CDH13: variants seen among roughly 807,000 people sequenced by gnomAD.
CDH13 encodes the protein cadherin-13.
A neutral mutation model predicts 63.8 loss-of-function variants in CDH13; 24 were observed. The ratio of observed to expected loss-of-function variants is 0.38; its 90% CI spans 0.27 to 0.53. The LOEUF is 0.53. CDH13 is among the 20% of genes least tolerant of loss of function. The probability of loss-of-function intolerance (pLI) is 0.85; values close to 1 mark genes in which losing one functional copy is unlikely to be tolerated. For synonymous variants in CDH13, 503 were observed against 355.3 expected (o/e 1.42, Z -4.67); for missense variants, 1,049 against 903.1 (o/e 1.16, Z -2.07).
At chr16:83,187,846 T>C (rs1211320648) in intron 4 of CDH13, among the ~76,000 whole-genome samples, 2 of 152,048 alleles carry the variant, frequency 1.3e-5, no homozygotes, top group African/African-American at 4.8e-5. Context: ...GGTCAATGGC[T>C]AGAGATGAGA....
At chr16:83,091,357 G>A (rs2033898947) in intron 3 of CDH13, among the ~76,000 whole-genome samples, 3 of 152,214 alleles carry the variant, frequency 2.0e-5, no homozygotes, top group Admixed American at 1.3e-4. Context: ...GTAGTAGGAG[G>A]CATATTTTTC....
chr16:83,373,966 C>T (rs1479365880), intron 6 of CDH13, among the ~76,000 whole-genome samples: 1 of 152,176 alleles, frequency 6.6e-6, no homozygotes, highest in African/African-American at 2.4e-5. Flanking sequence ...TCAACCACCA[C>T]CTTCTGATCT....
chr16:83,058,516 T>A (rs12444052), intron 3 of CDH13, among the ~76,000 whole-genome samples: 17,512 of 152,190 alleles, frequency 0.12, 1,304 homozygotes, highest in Non-Finnish European at 0.16. Context: ...TAACAAATGC[T>A]CTTGTCCAAA....
At chr16:82,717,615 G>A (rs750893921) in intron 1 of CDH13, among the ~76,000 whole-genome samples, 23 of 152,104 alleles carry the variant, frequency 1.5e-4, no homozygotes, top group Non-Finnish European at 2.9e-4. Context: ...CATCAGTCTA[G>A]TCCCTGGCTC....
At chr16:83,646,399 C>A (rs1911797918) in intron 8 of CDH13, among the ~76,000 whole-genome samples, 1 of 152,130 alleles carries the variant, frequency 6.6e-6, no homozygotes, top group Non-Finnish European at 1.5e-5. Flanking sequence ...GCTCAACTTT[C>A]TTTAGAAAAT....
intron 2 of CDH13, among the ~76,000 whole-genome samples, chr16:83,031,200 CGCATGTATACACCATATACAT>C (rs1293814780): frequency 6.8e-6 from 1 of 146,994 alleles, no homozygotes; most frequent in African/African-American, 2.5e-5. Flanking sequence ...CATATACATG[CGCATGTATACACCATATACAT>C]GCGCATGTAT....
At chr16:83,217,000 G>A (rs1031186067) in intron 4 of CDH13, among the ~76,000 whole-genome samples, 1 of 151,930 alleles carries the variant, frequency 6.6e-6, no homozygotes, top group African/African-American at 2.4e-5. Flanking sequence ...TGTTTTGTTT[G>A]CAGATAAATA....
chr16:82,904,227 T>G (rs553140737), intron 2 of CDH13, among the ~76,000 whole-genome samples: 2 of 152,232 alleles, frequency 1.3e-5, no homozygotes, highest in East Asian at 3.9e-4. Context: ...TACAAACTTT[T>G]GTCAATCATG....
intron 2 of CDH13, among the ~76,000 whole-genome samples, chr16:82,890,585 C>A (rs937273074): frequency 6.6e-6 from 1 of 151,322 alleles, no homozygotes; most frequent in Non-Finnish European, 1.5e-5. Flanking sequence ...GGTCTTCTTA[C>A]ATTTGTAACA....
At chr16:83,020,644 C>G (rs113026868) in intron 2 of CDH13, among the ~76,000 whole-genome samples, 4,319 of 152,294 alleles carry the variant, frequency 0.028, 96 homozygotes, top group Non-Finnish European at 0.043. Flanking sequence ...TTTCTTTTCT[C>G]TGAACTATGG....
At chr16:82,719,451 A>C (rs1417035611) in intron 1 of CDH13, 1 of 455,770 alleles carries the variant, frequency 2.2e-6, no homozygotes, top group African/African-American at 2.0e-5. Flanking sequence ...TCCCACTTGC[A>C]GAAGGAAGGA....
chr16:83,091,797 G>A (rs2033926049), intron 3 of CDH13, among the ~76,000 whole-genome samples: 1 of 152,182 alleles, frequency 6.6e-6, no homozygotes, highest in African/African-American at 2.4e-5. Context: ...CTGGCACATG[G>A]TGGGTGTATA....
At position 82,986,686 on chromosome 16, in the gene CDH13, C is replaced by G. The variant is rs1910981613; in HGVS notation, c.158-45324C>G. Among the ~76,000 whole-genome samples, 3 of 152,184 alleles carry G rather than the reference C, an allele frequency of 2.0e-5. No individual in the cohort carries two copies. The South Asian group carries it at 6.2e-4, about 31-fold the overall frequency. Reference sequence around the variant, plus strand: ...CAAGTCCAACCACACAAACATATCTCAAGCCTTTGCTTGAACTACATCCAA... The same window carrying G: ...CAAGTCCAACCACACAAACATATCTGAAGCCTTTGCTTGAACTACATCCAA... On this transcript the variant is annotated intron_variant, in intron 2 of 13. Coordinates refer to ENST00000567109, the MANE Select transcript of CDH13 (RefSeq NM_001257.5).
intron 1 of CDH13, among the ~76,000 whole-genome samples, chr16:82,723,478 A>G (rs1194434894): frequency 6.6e-6 from 1 of 152,170 alleles, no homozygotes; most frequent in Non-Finnish European, 1.5e-5. Flanking sequence ...GGGATGATGT[A>G]AAGTCCACCT....
At chr16:83,245,871 T>C (rs1904940173) in intron 5 of CDH13, among the ~76,000 whole-genome samples, 1 of 152,066 alleles carries the variant, frequency 6.6e-6, no homozygotes, top group African/African-American at 2.4e-5. Flanking sequence ...GTCTTCTGAG[T>C]AGCCCGGACT....
At chr16:83,727,163 C>CT (rs1910509492) in intron 10 of CDH13, among the ~76,000 whole-genome samples, 1 of 152,098 alleles carries the variant, frequency 6.6e-6, no homozygotes, top group Non-Finnish European at 1.5e-5. Flanking sequence ...CCCCATCCCC[C>CT]TTAACCGTTA....
chr16:82,710,939 T>C lies in CDH13; in HGVS notation c.45+83802T>C, dbSNP rs990838134. Among the ~76,000 whole-genome samples the C allele has an allele frequency of 5.3e-5, 8 of 151,806 alleles. No individual in the cohort carries two copies. In the East Asian group the frequency reaches 1.6e-3, roughly 29 times the overall value. On this transcript the variant is annotated intron_variant, in intron 1 of 13. Coordinates refer to ENST00000567109, the MANE Select transcript of CDH13 (RefSeq NM_001257.5). ...TTTTATAAACTGTCACCTGATTTTT[T>C]TTTTACCCCAACATTAAAAAAAAAA...
chr16:83,369,806 C>G (rs2091329727), intron 6 of CDH13, among the ~76,000 whole-genome samples: 1 of 152,160 alleles, frequency 6.6e-6, no homozygotes, highest in African/African-American at 2.4e-5. Flanking sequence ...CACCAACATC[C>G]TTTCTCTAGA....
intron 1 of CDH13, among the ~76,000 whole-genome samples, chr16:82,638,524 T>C (rs1908966690): frequency 6.6e-6 from 1 of 152,218 alleles, no homozygotes; most frequent in Admixed American, 6.5e-5. Context: ...ATGTTGGTTG[T>C]ATTACTTTTC....
Sources: gnomAD v4.1 joint callset for allele counts (sites outside exome capture counted in the v4.1 genomes callset) on GRCh38, gnomAD v4.1.1 for gene constraint, MANE v1.5 for transcripts, NCBI Gene and HGNC (gene_info 2026-07-23, HGNC 2026-07-21) for gene names.